ENDOV: variants seen among roughly 807,000 people sequenced by gnomAD.
ENDOV encodes endonuclease V.
In ENDOV, 37 loss-of-function variants were observed where a neutral mutation model predicts 39.4. The observed-to-expected ratio is 0.94, with a 90% CI of 0.72 to 1.23. The LOEUF (loss-of-function observed/expected upper bound fraction) is 1.23, where lower values mean the gene tolerates loss of function less well. Ranked by LOEUF, ENDOV falls within the 50% of genes most tolerant of loss-of-function variation. The pLI is 0.00. For synonymous variants in ENDOV, 186 were observed against 163.4 expected, an observed-to-expected ratio of 1.14 and a Z score of -1.05; for missense variants, 441 against 375.7, an observed-to-expected ratio of 1.17 and a Z score of -1.44.
chr17:80,416,867 C>T (rs8076122), intron 2 of ENDOV: 74,652 of 151,526 alleles, frequency 0.49, 19,668 homozygotes, highest in Middle Eastern at 0.59. Flanking sequence ...AAGTGATCCT[C>T]CCACCTTAGC....
rs41301894 is a variant in ENDOV at position 80,431,295 on chromosome 17, G to A, written c.838+1464G>A. Among the ~76,000 whole-genome samples the A allele has an allele frequency of 4.7e-4, 72 of 152,304 alleles. 1 individual carries two copies. In the East Asian group the frequency reaches 0.011, roughly 23 times the overall value. ...GGGCCGGGGAGTGCTGGCCCCACCC[G>A]CCTGCGCTCACTCGAAAGCTGCTTT... On this transcript the variant is annotated intron_variant, in intron 9 of 9. Transcript: ENST00000518137.
intron 1 of ENDOV, 29 bp downstream of exon 1, chr17:80,415,279 C>A (rs1241969802): frequency 1.9e-6 from 3 of 1,611,610 alleles, no homozygotes; most frequent in Admixed American, 1.7e-5. Flanking sequence ...GCGCAGGAGG[C>A]GGGGGCCGAG....
intron 2 of ENDOV, among the ~76,000 whole-genome samples, chr17:80,416,524 C>G (rs1005547386): frequency 5.3e-5 from 8 of 152,090 alleles, no homozygotes; most frequent in African/African-American, 1.9e-4. Context: ...TTGTCTGTTT[C>G]CCCTCTGCTC....
chr17:80,415,348 C>A, intron 1 of ENDOV, 98 bp downstream of exon 1: 3 of 1,407,394 alleles, frequency 2.1e-6, no homozygotes, highest in Non-Finnish European at 2.9e-6. Context: ...GGAATCGGAG[C>A]TGCCACCGCC....
At chr17:80,427,292 T>C (rs1049188546) in intron 7 of ENDOV, 8 of 372,202 alleles carry the variant, frequency 2.1e-5, no homozygotes, top group African/African-American at 1.5e-4. Flanking sequence ...CCCCCAGGCC[T>C]TCAGCCACAG....
In ENDOV at chr17:80,423,540, C is replaced by T; in HGVS notation, c.424C>T (p.Leu142Phe). The T allele has an allele frequency of 6.4e-7, 1 of 1,554,006 alleles. No homozygotes were observed. ...GGCAGGCTTTGGGGTGGCCTGCCACCTTGGCGTCCTTACAGACCTGCCGTG... is the reference window on the plus strand; with the variant it reads ...GGCAGGCTTTGGGGTGGCCTGCCACTTTGGCGTCCTTACAGACCTGCCGTG... Reference protein sequence around the residue: ...HHRGFGVACHLGVLTDLPCVG... With the variant: ...HHRGFGVACHFGVLTDLPCVG... The change falls in exon 5 of 10, where the codon CTT (leucine) becomes TTT (phenylalanine). Residue 142 changes from leucine to phenylalanine, a missense_variant. Coordinates refer to ENST00000518137, the MANE Select transcript of ENDOV (RefSeq NM_173627.5).
intron 2 of ENDOV, chr17:80,419,868 A>G: frequency 1.7e-6 from 1 of 585,948 alleles, no homozygotes; most frequent in Non-Finnish European, 3.1e-6. Flanking sequence ...AGCTGGAAAC[A>G]CTGGTAGCTT....
At chr17:80,417,306 T>G (rs1341125228) in intron 2 of ENDOV, 1 of 152,282 alleles carries the variant, frequency 6.6e-6, no homozygotes, top group Non-Finnish European at 1.5e-5. Flanking sequence ...TGGAAGGGTT[T>G]CCATCTGGCT....
chr17:80,421,956 GC>G lies in ENDOV; in HGVS notation c.361del (p.Gln121ArgfsTer77). 1 of 1,608,532 alleles carries G rather than the reference GC, an allele frequency of 6.2e-7. No homozygotes were observed. On this transcript the variant is annotated frameshift_variant, in exon 3 of 10. Coordinates refer to ENST00000518137, the MANE Select transcript of ENDOV (RefSeq NM_173627.5). LOFTEE classifies it high-confidence loss of function. Reference protein sequence around the residue: ...QLREKEPGLMPQVLLVDGNGV... With the variant: ...QLREKEPGLMXQVLLVDGNGV... ...TGCGGGAGAAGGAGCCGGGCCTCAT[GC>G]CCCAGGCAGGTGTCTCATCCCTAGG...
At chr17:80,436,064 T>G in intron 9 of ENDOV, 69 bp from the exon 10 acceptor site, 2 of 1,567,132 alleles carry the variant, frequency 1.3e-6, no homozygotes, top group Admixed American at 3.4e-5. Context: ...CCATTTCCAC[T>G]TCCTCCTTTC....
intron 2 of ENDOV, among the ~76,000 whole-genome samples, chr17:80,420,967 C>T (rs539770983): frequency 9.7e-4 from 147 of 151,736 alleles, no homozygotes; most frequent in African/African-American, 3.2e-3. Flanking sequence ...TGAGCCACCA[C>T]GCCTGGCCAA....
At position 80,423,581 on chromosome 17, in the gene ENDOV, G is replaced by A. The variant is rs114008153; in HGVS notation, c.465G>A (p.Lys155=). The change falls in exon 5 of 10, where the codon AAG becomes AAA. Residue 155 remains lysine (K), a synonymous_variant. Transcript: ENST00000518137. ...ACCTGCCGTGTGTTGGGGTGGCCAA[G>A]AAACTTCTGCAGGTGGATGGGCTGG... ...LTDLPCVGVA[K]KLLQVDGLEN... 4,176 of 1,556,506 alleles carry A rather than the reference G, an allele frequency of 2.7e-3. 99 individuals are homozygous for A. In the African/African-American group the frequency reaches 0.049, roughly 18 times the overall value.
chr17:80,427,903 G>A, intron 7 of ENDOV: 3 of 1,217,930 alleles, frequency 2.5e-6, no homozygotes, highest in Non-Finnish European at 3.2e-6. Flanking sequence ...ATGAATGGAA[G>A]CAGGAGCAGG....
At chr17:80,435,026 A>C (rs1025778557) in intron 9 of ENDOV, among the ~76,000 whole-genome samples, 2 of 152,064 alleles carry the variant, frequency 1.3e-5, no homozygotes. Flanking sequence ...ATGTCTAGTA[A>C]CCATTTGTAT....
intron 9 of ENDOV, among the ~76,000 whole-genome samples, chr17:80,430,709 G>A (rs1359648676): frequency 1.3e-5 from 2 of 152,240 alleles, no homozygotes; most frequent in Non-Finnish European, 2.9e-5. Flanking sequence ...TGGTGCCTGA[G>A]GGGTTGGGTG....
At chr17:80,421,172 G>C (rs1052979329) in intron 2 of ENDOV, among the ~76,000 whole-genome samples, 14 of 151,754 alleles carry the variant, frequency 9.2e-5, no homozygotes, top group Admixed American at 8.5e-4. Context: ...ATCCTCCTAT[G>C]GACCAGGTCC....
chr17:80,421,148 C>T (rs1657763551), intron 2 of ENDOV, among the ~76,000 whole-genome samples: 1 of 150,782 alleles, frequency 6.6e-6, no homozygotes, highest in African/African-American at 2.4e-5. Context: ...CTCCCGCGGA[C>T]CTGATCCCAG....
At chr17:80,426,576 A>G (rs1483750102) in intron 7 of ENDOV, among the ~76,000 whole-genome samples, 2 of 152,232 alleles carry the variant, frequency 1.3e-5, no homozygotes, top group African/African-American at 4.8e-5. Context: ...ACCTGAGCCC[A>G]GGAGGTCGAG....
At chr17:80,427,122 T>C (rs1284095312) in intron 7 of ENDOV, among the ~76,000 whole-genome samples, 2 of 152,252 alleles carry the variant, frequency 1.3e-5, no homozygotes, top group Admixed American at 6.5e-5. Context: ...AGTGGTGGCG[T>C]CTGAGAGCGG....
Sources: gnomAD v4.1 joint callset for allele counts (sites outside exome capture counted in the v4.1 genomes callset) on GRCh38, gnomAD v4.1.1 for gene constraint, MANE v1.5 for transcripts, NCBI Gene and HGNC (gene_info 2026-07-23, HGNC 2026-07-21) for gene names.